FRMD4B: variants seen among roughly 807,000 people sequenced by gnomAD.
FRMD4B encodes FERM domain-containing protein 4B.
FRMD4B carries 74 observed loss-of-function variants against 141.5 expected under a neutral mutation model. The observed-to-expected ratio is 0.52, with a 90% CI of 0.43 to 0.63. FRMD4B has a LOEUF of 0.63. Among genes scored for constraint, FRMD4B ranks in the 30% least tolerant of loss-of-function variants. The pLI is 0.00. For synonymous variants in FRMD4B, 506 were observed against 467.9 expected (o/e 1.08, Z -1.05); for missense variants, 1,366 against 1,253.4 (o/e 1.09, Z -1.36).
At chr3:69,283,573 T>C (rs775076686) in intron 5 of FRMD4B, among the ~76,000 whole-genome samples, 15 of 152,078 alleles carry the variant, frequency 9.9e-5, no homozygotes, top group Non-Finnish European at 1.5e-4. Flanking sequence ...ACGTCATGAG[T>C]TGAAAATCTT....
chr3:69,403,319 C>T (rs1442232590), intron 2 of FRMD4B, among the ~76,000 whole-genome samples: 1 of 152,210 alleles, frequency 6.6e-6, no homozygotes, highest in Admixed American at 6.5e-5. Flanking sequence ...ATGTTCTCAA[C>T]AACTCAGAAG....
chr3:69,279,428 A>C (rs2093633490), intron 5 of FRMD4B, among the ~76,000 whole-genome samples: 1 of 152,198 alleles, frequency 6.6e-6, no homozygotes, highest in South Asian at 2.1e-4. Context: ...CTAATAACAC[A>C]CACAAAAATC....
chr3:69,467,712 C>T (rs1705816609), intron 1 of FRMD4B, among the ~76,000 whole-genome samples: 1 of 152,138 alleles, frequency 6.6e-6, no homozygotes, highest in African/African-American at 2.4e-5. Flanking sequence ...TAGTATATAC[C>T]TCCCAACTCC....
At chr3:69,219,042 G>A (rs2093168562) in intron 9 of FRMD4B, among the ~76,000 whole-genome samples, 1 of 151,646 alleles carries the variant, frequency 6.6e-6, no homozygotes, top group African/African-American at 2.4e-5. Flanking sequence ...GCGGACACCT[G>A]TAATCCCAGC....
At chr3:69,437,565 T>C (rs1705278163) in intron 1 of FRMD4B, among the ~76,000 whole-genome samples, 1 of 142,298 alleles carries the variant, frequency 7.0e-6, no homozygotes, top group African/African-American at 2.6e-5. Context: ...ATATAATATG[T>C]ACTATTATAT....
chr3:69,250,153 C>G lies in FRMD4B; in HGVS notation c.502-54G>C, dbSNP rs368832727. On this transcript the variant is annotated intron_variant, in intron 5 of 22. Transcript: ENST00000398540. ...AACATGGGGCTGTCCTAGATTGTAG[C>G]AAATGGCTCTGAAGTTGAGGAAGCT... The G allele has an allele frequency of 8.2e-6, 10 of 1,219,416 alleles. No individual in the cohort carries two copies. The Admixed American group carries it at 1.7e-4, about 21-fold the overall frequency. 75.5% of individuals were successfully genotyped at this position (1,219,416 alleles called of 1,614,324 possible).
At chr3:69,178,388 G>C (rs1422941308) in intron 21 of FRMD4B, among the ~76,000 whole-genome samples, 2 of 152,130 alleles carry the variant, frequency 1.3e-5, no homozygotes, top group Non-Finnish European at 2.9e-5. Flanking sequence ...TAAGATGTTA[G>C]AGCTGTGGGG....
Position 69,351,853 on chromosome 3 carries a change from G to C in FRMD4B, c.162+33975C>G, listed in dbSNP as rs1191778823. Among the ~76,000 whole-genome samples, 6 of 152,296 alleles carry C rather than the reference G, an allele frequency of 3.9e-5. 1 individual carries two copies. The South Asian group carries it at 1.2e-3, about 32-fold the overall frequency. On this transcript the variant is annotated intron_variant, in intron 1 of 22. Transcript: ENST00000398540. ...GGAGATTGGACAAAGTGACTTACAA[G>C]GTTTCTTCTGGTTTAAATGTTCCAT...
chr3:69,490,626 T>C (rs982419242), intron 1 of FRMD4B, among the ~76,000 whole-genome samples: 2 of 152,216 alleles, frequency 1.3e-5, no homozygotes, highest in Admixed American at 1.3e-4. Context: ...CCTCTCACTG[T>C]ATTTGTGTCA....
chr3:69,534,989 ATTTTTTT>A (rs987849443), intron 1 of FRMD4B, among the ~76,000 whole-genome samples: 1 of 152,038 alleles, frequency 6.6e-6, no homozygotes, highest in Non-Finnish European at 1.5e-5. Flanking sequence ...AATAGCTAGA[ATTTTTTT>A]TAGTATTTAC....
In FRMD4B at chr3:69,196,136, T is replaced by A. The variant is rs73835777; in HGVS notation, c.1234+119A>T. The stretch of plus-strand genomic sequence containing the variant: ...TTCAAAGCTGTCGCATACATACTTA[T>A]TGACATACTTATTTATTCCCAAAAT... On this transcript the variant is annotated intron_variant, in intron 14 of 22. Transcript: ENST00000398540. 5.2e-6 allele frequency: 4 copies of A among 775,396 alleles called. No individual in the cohort carries two copies. The African/African-American group carries it at 7.1e-5, about 14-fold the overall frequency. The allele number at this position is 775,396 out of a possible 1,614,324, so 48.0% of individuals were successfully genotyped here. A position where few individuals can be genotyped will look rare whatever the true frequency, so the allele number is the denominator to read the frequency against.
chr3:69,427,483 C>A (rs1416312947), intron 2 of FRMD4B, among the ~76,000 whole-genome samples: 1 of 150,436 alleles, frequency 6.6e-6, no homozygotes, highest in Non-Finnish European at 1.5e-5. Flanking sequence ...AGACATGAAC[C>A]TTAGGGAGAA....
intron 1 of FRMD4B, among the ~76,000 whole-genome samples, chr3:69,378,026 G>A (rs1453547008): frequency 7.6e-6 from 1 of 132,148 alleles, no homozygotes; most frequent in African/African-American, 2.9e-5. Context: ...TTGCCATATT[G>A]GCCAGCTGGT....
At chr3:69,500,773 G>A (rs1575592628) in intron 1 of FRMD4B, among the ~76,000 whole-genome samples, 1 of 151,936 alleles carries the variant, frequency 6.6e-6, no homozygotes, top group African/African-American at 2.4e-5. Context: ...AGAGAGAAAG[G>A]AAGGAACGCC....
At chr3:69,498,669 T>G (rs916908776) in intron 1 of FRMD4B, among the ~76,000 whole-genome samples, 4 of 152,292 alleles carry the variant, frequency 2.6e-5, no homozygotes, top group African/African-American at 9.6e-5. Context: ...AACATATAAC[T>G]GTTAAGAGTT....
At chr3:69,347,645 A>G (rs1024098458) in intron 1 of FRMD4B, among the ~76,000 whole-genome samples, 113 of 152,174 alleles carry the variant, frequency 7.4e-4, no homozygotes, top group Non-Finnish European at 1.2e-3. Flanking sequence ...TCAGACCACA[A>G]TGCAATCAAA....
intron 1 of FRMD4B, among the ~76,000 whole-genome samples, chr3:69,454,359 G>A (rs1202669828): frequency 6.6e-6 from 1 of 152,224 alleles, no homozygotes; most frequent in African/African-American, 2.4e-5. Context: ...ACTTCAGCCA[G>A]CTGCTGCACC....
In FRMD4B at chr3:69,176,629, C is replaced by T; in HGVS notation, c.2879G>A (p.Trp960Ter). 6.2e-7 allele frequency: 1 copy of T among 1,604,740 alleles called. No individual in the cohort carries two copies. The change falls in exon 22 of 23, where the codon TGG becomes TAG. Residue 960 changes from tryptophan to a stop codon, truncating the protein, a stop_gained. Transcript: ENST00000398540. LOFTEE classifies it high-confidence loss of function. ...CAGCCCTATGGTTAACTGGGTCCTC[C>T]AGTTCCCAGAAGCATTTGTAGAAGA... ...SVSSTNASGNWRTQLTIGLSD... is the reference protein window; with the variant it reads ...SVSSTNASGN
chr3:69,182,862 C>G, intron 19 of FRMD4B, 145 bp from the exon 20 acceptor site: 2 of 732,360 alleles, frequency 2.7e-6, no homozygotes, highest in Non-Finnish European at 4.4e-6. Flanking sequence ...TTGTGGTTCA[C>G]TAAACCACAA....
Sources: gnomAD v4.1 joint callset for allele counts (sites outside exome capture counted in the v4.1 genomes callset) on GRCh38, gnomAD v4.1.1 for gene constraint, MANE v1.5 for transcripts, NCBI Gene and HGNC (gene_info 2026-07-23, HGNC 2026-07-21) for gene names.